The following UBASH3B variants were observed in gnomAD, a reference collection of about 807,000 sequenced individuals.
UBASH3B encodes the protein ubiquitin associated and SH3 domain containing B.
Under a neutral mutation model 83.4 loss-of-function variants are expected in UBASH3B, and 37 were observed. The ratio of observed to expected loss-of-function variants is 0.44; its 90% CI spans 0.34 to 0.58. The LOEUF (loss-of-function observed/expected upper bound fraction) is 0.58, where lower values mean the gene tolerates loss of function less well. Ranked by LOEUF, UBASH3B falls within the 20% of genes least tolerant of loss-of-function variation. The probability of loss-of-function intolerance (pLI) is 0.01; values close to 1 mark genes in which losing one functional copy is unlikely to be tolerated. For missense variants in UBASH3B, 657 were observed against 827.2 expected, an observed-to-expected ratio of 0.79 and a Z score of 2.52; for synonymous variants, 304 against 318.3, an observed-to-expected ratio of 0.96 and a Z score of 0.48.
In UBASH3B at chr11:122,810,375, A is replaced by T. The variant is rs948077667; in HGVS notation, c.*489A>T. On this transcript the variant is annotated 3_prime_UTR_variant, in exon 14 of 14. Coordinates refer to ENST00000284273, the MANE Select transcript of UBASH3B (RefSeq NM_032873.5). ...AATCCTTTTAAGATTATTAGAAAAC[A>T]TGCCCTGAAGAGAGTTGTTCTTAGG... The T allele has an allele frequency of 6.5e-6, 1 of 153,658 alleles. No individual in the cohort carries two copies. Among genetic ancestry groups the T allele is most frequent in the Non-Finnish European group, 1.5e-5 (1 of 68,912 alleles). The allele number at this position is 153,658 out of a possible 1,614,324, so 9.5% of individuals were successfully genotyped here.
At chr11:122,680,956 C>T (rs895989478) in intron 1 of UBASH3B, among the ~76,000 whole-genome samples, 2 of 151,978 alleles carry the variant, frequency 1.3e-5, no homozygotes, top group African/African-American at 2.4e-5. Flanking sequence ...TGTGAGCAGC[C>T]GGTCCCAGGG....
intron 1 of UBASH3B, among the ~76,000 whole-genome samples, chr11:122,715,039 G>A (rs568771807): frequency 2.6e-5 from 4 of 152,140 alleles, no homozygotes; most frequent in South Asian, 4.1e-4. Flanking sequence ...TCCGCCTCCC[G>A]GGTTCACGCC....
chr11:122,789,218 A>G lies in UBASH3B; in HGVS notation c.890A>G (p.Tyr297Cys). Reference protein sequence around the residue: ...EQTSTSEGWIYGTSLTTGCSG... With the variant: ...EQTSTSEGWICGTSLTTGCSG... ...ACCAGCACCAGCGAGGGTTGGATCT[A>G]TGGCACGTCCTTAACCACCGGCTGC... The change falls in exon 6 of 14, where the codon TAT becomes TGT. Residue 297 changes from tyrosine (Y) to cysteine (C), a missense_variant. Physicochemically the swap from Tyr to Cys is radical, Grantham distance 194. This residue lies in a region of UBASH3B where 573 missense variants were observed against 739.0 expected (regional missense o/e 0.78). Coordinates refer to ENST00000284273, the MANE Select transcript of UBASH3B (RefSeq NM_032873.5). 1 of 1,614,174 alleles carries G rather than the reference A, an allele frequency of 6.2e-7. No homozygotes were observed. Among genetic ancestry groups the G allele is most frequent in the East Asian group, 2.2e-5 (1 of 44,874 alleles).
intron 1 of UBASH3B, among the ~76,000 whole-genome samples, chr11:122,708,827 A>T (rs1270626304): frequency 9.2e-5 from 14 of 152,170 alleles, no homozygotes; most frequent in Admixed American, 9.2e-4. Context: ...GAAAGCATAT[A>T]ATAATCCTTC....
intron 1 of UBASH3B, among the ~76,000 whole-genome samples, chr11:122,774,848 C>T (rs184189140): frequency 1.3e-5 from 2 of 152,120 alleles, no homozygotes; most frequent in Admixed American, 6.5e-5. Context: ...TCCACATCAA[C>T]GACCACCACG....
Position 122,812,427 on chromosome 11 carries a change from C to T in UBASH3B, c.*2541C>T, listed in dbSNP as rs1242338867. On this transcript the variant is annotated 3_prime_UTR_variant, in exon 14 of 14. Transcript: ENST00000284273. ...CAACTATATTACTCAATTTCATATACATCCAAAAAGTATAGGCTAATATAT... is the reference window on the plus strand; with the variant it reads ...CAACTATATTACTCAATTTCATATATATCCAAAAAGTATAGGCTAATATAT... The T allele has an allele frequency of 1.3e-5, 2 of 152,166 alleles. No homozygotes were observed. The highest frequency in any genetic ancestry group is 4.8e-5 in the African/African-American group (2 of 41,442). The allele number at this position is 152,166 out of a possible 1,614,324, so 9.4% of individuals were successfully genotyped here.
chr11:122,714,426 G>C (rs1864240763), intron 1 of UBASH3B, among the ~76,000 whole-genome samples: 1 of 152,210 alleles, frequency 6.6e-6, no homozygotes, highest in Admixed American at 6.5e-5. Context: ...ATATTTAGGG[G>C]ACACTGAAGA....
chr11:122,704,347 C>A (rs1220158779), intron 1 of UBASH3B, among the ~76,000 whole-genome samples: 5 of 152,156 alleles, frequency 3.3e-5, no homozygotes, highest in Admixed American at 2.0e-4. Context: ...TTACAAAAGG[C>A]TACGCGGGTC....
chr11:122,806,204 C>T lies in UBASH3B; in HGVS notation c.1596-206C>T, dbSNP rs900285992. ...CACCTGGTCACTGTAACGCCATACA[C>T]ATAGCTGTTATTTCTGTACATTTCC... On this transcript the variant is annotated intron_variant, in intron 11 of 13. Coordinates refer to ENST00000284273, the MANE Select transcript of UBASH3B (RefSeq NM_032873.5). The surrounding 1 kb of genome is among the most constrained non-coding windows in gnomAD (Gnocchi z 4.0). 6.6e-6 allele frequency among the ~76,000 whole-genome samples: 1 copy of T among 152,224 alleles called. No individual in the cohort carries two copies. The highest frequency in any genetic ancestry group is 2.4e-5 in the African/African-American group (1 of 41,456).
Position 122,710,749 on chromosome 11 carries a change from T to G in UBASH3B, c.161+54539T>G, listed in dbSNP as rs117946480. Among the ~76,000 whole-genome samples, 112 of 151,870 alleles carry G rather than the reference T, an allele frequency of 7.4e-4. 1 individual carries two copies. In the East Asian group the frequency reaches 0.018, roughly 24 times the overall value. On this transcript the variant is annotated intron_variant, in intron 1 of 13. Coordinates refer to ENST00000284273, the MANE Select transcript of UBASH3B (RefSeq NM_032873.5). ...AGGGGGACGGGGCATGTAGAATTGG[T>G]AGGCAATGGGAACACAGAAAGCCCA...
In UBASH3B at chr11:122,813,963, T is replaced by C. The variant is rs1182680292; in HGVS notation, c.*4077T>C. 1.3e-5 allele frequency: 2 copies of C among 152,358 alleles called. No homozygotes were observed. Among genetic ancestry groups the C allele is most frequent in the African/African-American group, 4.8e-5 (2 of 41,472 alleles). 9.4% of individuals were successfully genotyped at this position (152,358 alleles called of 1,614,324 possible). ...GTATGTAGGTTTAAAATTATAGTGA[T>C]GACTAGTCGAACTTAATATACAATC... On this transcript the variant is annotated 3_prime_UTR_variant, in exon 14 of 14. Transcript: ENST00000284273.
chr11:122,757,598 C>G (rs1025792289), intron 1 of UBASH3B, among the ~76,000 whole-genome samples: 11 of 152,028 alleles, frequency 7.2e-5, no homozygotes, highest in African/African-American at 2.4e-4. Flanking sequence ...TTAATAATCA[C>G]CTTTCAGTCC....
intron 1 of UBASH3B, among the ~76,000 whole-genome samples, chr11:122,713,966 C>T (rs923347945): frequency 8.1e-5 from 12 of 148,552 alleles, no homozygotes; most frequent in African/African-American, 3.0e-4. Flanking sequence ...TTAGGTGGCT[C>T]ACAGAACTAT....
intron 1 of UBASH3B, among the ~76,000 whole-genome samples, chr11:122,677,401 CCT>C (rs1565525812): frequency 6.6e-6 from 1 of 152,028 alleles, no homozygotes; most frequent in African/African-American, 2.4e-5. Flanking sequence ...ATTCCTAACT[CCT>C]ATATACTACA....
At chr11:122,796,099 C>T in intron 7 of UBASH3B, 57 bp from the exon 8 acceptor site, 9 of 1,600,674 alleles carry the variant, frequency 5.6e-6, no homozygotes, top group African/African-American at 1.3e-5. Context: ...CACCTGGCTC[C>T]AAGACATGTC....
At chr11:122,799,669 T>C (rs544357748) in intron 10 of UBASH3B, among the ~76,000 whole-genome samples, 1 of 152,340 alleles carries the variant, frequency 6.6e-6, no homozygotes, top group African/African-American at 2.4e-5. Flanking sequence ...TGGTCTGTTG[T>C]TTGCCTCCTG....
rs1179311818 is a variant in UBASH3B at position 122,806,768 on chromosome 11, T to A, written c.1702+252T>A. On this transcript the variant is annotated intron_variant, in intron 12 of 13. Coordinates refer to ENST00000284273, the MANE Select transcript of UBASH3B (RefSeq NM_032873.5). This position sits in a 1 kb window ranked among gnomAD's most constrained non-coding sequence, Gnocchi z 4.0. The stretch of plus-strand genomic sequence containing the variant: ...AATTCTGCGTTATAGCTATTCTTCT[T>A]GCACCCTGTGAAAGAGATTCCCTCT... Among the ~76,000 whole-genome samples, 2 of 152,240 alleles carry A rather than the reference T, an allele frequency of 1.3e-5. No homozygotes were observed. Among genetic ancestry groups the A allele is most frequent in the Non-Finnish European group, 2.9e-5 (2 of 68,044 alleles).
rs1006465503 is a variant in UBASH3B, at chr11:122,779,424, T to G, written c.403-73T>G. 10 of 1,541,502 alleles carry G rather than the reference T, an allele frequency of 6.5e-6. No homozygotes were observed. In the African/African-American group the frequency reaches 1.4e-4, roughly 21 times the overall value. On this transcript the variant is annotated intron_variant, in intron 3 of 13. Coordinates refer to ENST00000284273, the MANE Select transcript of UBASH3B (RefSeq NM_032873.5). ...CCTCCTCCAGTCTCTGGGGAGAGGA[T>G]GCCAATGTTAAGTAGCAGCAGACTT...
chr11:122,723,972 G>A (rs1327694137), intron 1 of UBASH3B, among the ~76,000 whole-genome samples: 2 of 152,206 alleles, frequency 1.3e-5, no homozygotes, highest in South Asian at 2.1e-4. Flanking sequence ...AGCTCCCGGA[G>A]TTTAAATGCT....
Sources: gnomAD v4.1 joint callset for allele counts (sites outside exome capture counted in the v4.1 genomes callset) on GRCh38, gnomAD v4.1.1 for gene constraint, gnomAD v4.1.1 regional missense constraint, Gnocchi (gnomAD v3.1) non-coding constraint, MANE v1.5 for transcripts, NCBI Gene and HGNC (gene_info 2026-07-23, HGNC 2026-07-21) for gene names.